The following METTL24 variants were observed in gnomAD, a reference collection of about 807,000 sequenced individuals.
METTL24 encodes the protein methyltransferase like 24, also known as probable methyltransferase-like protein 24.
METTL24 carries 29 observed loss-of-function variants against 32.7 expected under a neutral mutation model. The observed-to-expected ratio is 0.89, with a 90% CI of 0.66 to 1.21. The LOEUF (loss-of-function observed/expected upper bound fraction) is 1.21, where lower values mean the gene tolerates loss of function less well. Among genes scored for constraint, METTL24 ranks in the 50% most tolerant of loss-of-function variants. The probability of loss-of-function intolerance (pLI) is 0.00; values close to 1 mark genes in which losing one functional copy is unlikely to be tolerated. For missense variants in METTL24, 439 were observed against 468.1 expected, an observed-to-expected ratio of 0.94 and a Z score of 0.57; for synonymous variants, 163 against 179.5, an observed-to-expected ratio of 0.91 and a Z score of 0.73.
At chr6:110,274,664 T>TG (rs1265901925) in intron 4 of METTL24, among the ~76,000 whole-genome samples, 1 of 151,632 alleles carries the variant, frequency 6.6e-6, no homozygotes, top group Non-Finnish European at 1.5e-5. Context: ...CATAAAAAAA[T>TG]TTTTTTTAAG....
intron 2 of METTL24, among the ~76,000 whole-genome samples, chr6:110,319,418 GAGATAGATAGATAGAT>G (rs10659634): frequency 2.0e-5 from 3 of 148,752 alleles, no homozygotes; most frequent in South Asian, 2.1e-4. Flanking sequence ...TAGAGAGGTA[GAGATAGATAGATAGAT>G]AGATAGATAG....
intron 4 of METTL24, among the ~76,000 whole-genome samples, chr6:110,266,511 C>G (rs1770860501): frequency 6.6e-6 from 1 of 152,060 alleles, no homozygotes; most frequent in African/African-American, 2.4e-5. Flanking sequence ...GCTAGATTCC[C>G]TACATCCTTC....
chr6:110,324,488 A>T (rs1250780012), intron 1 of METTL24, among the ~76,000 whole-genome samples: 2 of 152,000 alleles, frequency 1.3e-5, no homozygotes, highest in African/African-American at 2.4e-5. Flanking sequence ...TAATTTTATT[A>T]TTTTTTTTAT....
chr6:110,347,084 T>C (rs2114776809), intron 1 of METTL24, among the ~76,000 whole-genome samples: 1 of 152,370 alleles, frequency 6.6e-6, no homozygotes, highest in East Asian at 1.9e-4. Context: ...GCCCAGACTA[T>C]GACTTGTCTT....
At chr6:110,268,544 G>T (rs1185318022) in intron 4 of METTL24, among the ~76,000 whole-genome samples, 1 of 152,158 alleles carries the variant, frequency 6.6e-6, no homozygotes, top group African/African-American at 2.4e-5. Flanking sequence ...TGCCATTCCT[G>T]GGGGTAAGCG....
chr6:110,346,868 TCTCA>T (rs370406520), intron 1 of METTL24, among the ~76,000 whole-genome samples: 4 of 152,184 alleles, frequency 2.6e-5, no homozygotes, highest in Non-Finnish European at 4.4e-5. Flanking sequence ...GAAATAGAAA[TCTCA>T]CTGTGTTTTG....
chr6:110,291,728 C>T (rs928052762), intron 4 of METTL24, among the ~76,000 whole-genome samples: 3 of 152,118 alleles, frequency 2.0e-5, no homozygotes, highest in African/African-American at 7.2e-5. Context: ...CACTGTCTGT[C>T]GTTCCCCTCT....
At chr6:110,333,747 T>G (rs976175232) in intron 1 of METTL24, among the ~76,000 whole-genome samples, 1 of 152,212 alleles carries the variant, frequency 6.6e-6, no homozygotes, top group Non-Finnish European at 1.5e-5. Context: ...CAGCCTTGAT[T>G]TTTAACCTAT....
intron 4 of METTL24, among the ~76,000 whole-genome samples, chr6:110,268,349 A>G (rs1015186219): frequency 6.6e-6 from 1 of 152,328 alleles, no homozygotes; most frequent in Non-Finnish European, 1.5e-5. Flanking sequence ...ACTTCAAAAC[A>G]GGGGTTCTTG....
chr6:110,256,085 G>C (rs1778377518), intron 4 of METTL24, among the ~76,000 whole-genome samples: 1 of 152,134 alleles, frequency 6.6e-6, no homozygotes, highest in Non-Finnish European at 1.5e-5. Context: ...AGCAGTGAGT[G>C]GGGTCAAGTG....
At chr6:110,350,240 C>T (rs1373128343) in intron 1 of METTL24, among the ~76,000 whole-genome samples, 2 of 152,146 alleles carry the variant, frequency 1.3e-5, no homozygotes, top group African/African-American at 4.8e-5. Flanking sequence ...TGTGGTAGTG[C>T]CTAATATGGA....
At position 110,256,985 on chromosome 6, in the gene METTL24, C is replaced by T. The variant is rs549682472; in HGVS notation, c.787-10725G>A. The stretch of plus-strand genomic sequence containing the variant: ...ACAGCATACAGGGCACCACAACTGC[C>T]CTTCAAGTACAGGCTGCACTGCATC... On this transcript the variant is annotated intron_variant, in intron 4 of 4. Coordinates refer to ENST00000338882, the MANE Select transcript of METTL24 (RefSeq NM_001123364.3). 9.2e-5 allele frequency among the ~76,000 whole-genome samples: 14 copies of T among 152,302 alleles called. No individual in the cohort carries two copies. The East Asian group carries it at 1.3e-3, about 15-fold the overall frequency.
chr6:110,258,121 A>T (rs1204440557), intron 4 of METTL24, among the ~76,000 whole-genome samples: 1 of 152,214 alleles, frequency 6.6e-6, no homozygotes, highest in East Asian at 1.9e-4. Flanking sequence ...ACAGAGTAAG[A>T]GTGCCATCAG....
chr6:110,331,659 CAAA>C (rs59304999), intron 1 of METTL24, among the ~76,000 whole-genome samples: 116 of 58,852 alleles, frequency 2.0e-3, no homozygotes, highest in Non-Finnish European at 2.9e-3. Context: ...GACCCTGCCT[CAAA>C]AAAAAAAAAA....
intron 1 of METTL24, among the ~76,000 whole-genome samples, chr6:110,339,224 T>C (rs530543103): frequency 1.3e-5 from 2 of 152,310 alleles, no homozygotes; most frequent in East Asian, 3.9e-4. Flanking sequence ...AACTCAGAAT[T>C]TTCCCTATCT....
chr6:110,247,776 C>A (rs1484547876), intron 4 of METTL24, among the ~76,000 whole-genome samples: 1 of 152,132 alleles, frequency 6.6e-6, no homozygotes, highest in Non-Finnish European at 1.5e-5. Context: ...ACGTATGCTA[C>A]CCATTCTTTC....
intron 4 of METTL24, among the ~76,000 whole-genome samples, chr6:110,266,714 A>T (rs1562220416): frequency 6.6e-6 from 1 of 152,302 alleles, no homozygotes; most frequent in East Asian, 1.9e-4. Context: ...ATGTTCACAA[A>T]GTTAGATGTC....
intron 4 of METTL24, among the ~76,000 whole-genome samples, chr6:110,261,919 G>A (rs1207325527): frequency 5.9e-5 from 9 of 152,134 alleles, no homozygotes; most frequent in East Asian, 1.9e-4. Flanking sequence ...TGAAACCAAC[G>A]AGAACAAAGA....
intron 4 of METTL24, chr6:110,253,911 A>T: frequency 6.8e-7 from 1 of 1,473,562 alleles, no homozygotes; most frequent in African/African-American, 1.4e-5. Flanking sequence ...CAGAATCTGA[A>T]GGAGGTGACT....
Sources: gnomAD v4.1 joint callset for allele counts (sites outside exome capture counted in the v4.1 genomes callset) on GRCh38, gnomAD v4.1.1 for gene constraint, MANE v1.5 for transcripts, NCBI Gene and HGNC (gene_info 2026-07-23, HGNC 2026-07-21) for gene names.